The following WHRN variants were observed in gnomAD, a reference collection of about 807,000 sequenced individuals.
WHRN encodes whirlin.
A neutral mutation model predicts 68.3 loss-of-function variants in WHRN; 41 were observed. The observed-to-expected ratio is 0.60, with a 90% CI of 0.47 to 0.78. The LOEUF (loss-of-function observed/expected upper bound fraction) is 0.78, where lower values mean the gene tolerates loss of function less well. Among genes scored for constraint, WHRN ranks in the 30% least tolerant of loss-of-function variants. The pLI is 0.00. For synonymous variants in WHRN, 560 were observed against 561.3 expected, an observed-to-expected ratio of 1.00 and a Z score of 0.03; for missense variants, 1,243 against 1,244.7, an observed-to-expected ratio of 1.00 and a Z score of 0.02.
intron 3 of WHRN, among the ~76,000 whole-genome samples, chr9:114,464,903 T>C (rs1840550768): frequency 1.3e-5 from 2 of 152,044 alleles, no homozygotes; most frequent in African/African-American, 2.4e-5. Context: ...TATAACAAAG[T>C]ACCATAGACT....
rs148634663 is a variant in WHRN, at chr9:114,411,067, T to C, written c.1627-3049A>G. ...GCACTCAGAATAGGGCCTGGCACAA[T>C]GTACGAGGAAGGTGACTGTTACGTG... is the stretch of plus-strand genomic sequence containing the variant. On this transcript the variant is annotated intron_variant, in intron 7 of 11. Coordinates refer to ENST00000362057, the MANE Select transcript of WHRN (RefSeq NM_015404.4). Among the ~76,000 whole-genome samples the C allele has an allele frequency of 8.3e-4, 126 of 152,298 alleles. 3 individuals are homozygous for C. In the East Asian group the frequency reaches 0.024, roughly 29 times the overall value.
chr9:114,489,610 T>G (rs1302889372), intron 1 of WHRN, among the ~76,000 whole-genome samples: 2 of 152,224 alleles, frequency 1.3e-5, no homozygotes, highest in Admixed American at 6.5e-5. Context: ...CCATTACTTT[T>G]GACTTAAGTA....
Position 114,504,822 on chromosome 9 carries a change from G to A in WHRN, c.-21C>T, listed in dbSNP as rs1401042051. On this transcript the variant is annotated 5_prime_UTR_variant, in exon 1 of 12. Transcript: ENST00000362057. The stretch of plus-strand genomic sequence containing the variant: ...TTCATCTCCACGCCGAGGCCCGGCC[G>A]GGCTCTGAGCGCGCGGGGTGTGGGC... 2 of 1,387,162 alleles carry A rather than the reference G, an allele frequency of 1.4e-6. No homozygotes were observed. Among genetic ancestry groups the A allele is most frequent in the Admixed American group, 3.8e-5 (1 of 26,660 alleles). The allele number at this position is 1,387,162 out of a possible 1,614,324, so 85.9% of individuals were successfully genotyped here.
At chr9:114,465,040 G>T (rs1221817162) in intron 3 of WHRN, among the ~76,000 whole-genome samples, 1 of 152,184 alleles carries the variant, frequency 6.6e-6, no homozygotes, top group Non-Finnish European at 1.5e-5. Context: ...GGAAAGGGAA[G>T]CCCAGACAGG....
chr9:114,466,455 G>T, intron 2 of WHRN, 63 bp from the exon 3 acceptor site: 1 of 1,607,580 alleles, frequency 6.2e-7, no homozygotes. Flanking sequence ...GGGACAGCAG[G>T]CTGCAAAGCC....
chr9:114,457,046 T>G (rs140677088), intron 3 of WHRN, among the ~76,000 whole-genome samples: 1 of 152,182 alleles, frequency 6.6e-6, no homozygotes, highest in African/African-American at 2.4e-5. Flanking sequence ...TGTGTATGTA[T>G]ATACACAGAG....
chr9:114,415,505 C>T (rs1458523687), intron 7 of WHRN, among the ~76,000 whole-genome samples: 2 of 152,196 alleles, frequency 1.3e-5, no homozygotes, highest in African/African-American at 4.8e-5. Flanking sequence ...GCTGTCTCAC[C>T]TCATCTATTG....
At chr9:114,412,118 C>G (rs562533918) in intron 7 of WHRN, among the ~76,000 whole-genome samples, 1 of 152,168 alleles carries the variant, frequency 6.6e-6, no homozygotes, top group Admixed American at 6.5e-5. Flanking sequence ...AAATGGCAGA[C>G]GGGTCGGAGC....
Position 114,478,616 on chromosome 9 carries a change from CAG to C in WHRN, c.772_773del (p.Leu258GlufsTer6). 1 of 1,614,070 alleles carries C rather than the reference CAG, an allele frequency of 6.2e-7. No individual in the cohort carries two copies. Among genetic ancestry groups the C allele is most frequent in the South Asian group, 1.1e-5 (1 of 91,072 alleles). ...TCCTCCGGTCACCCTCCTGCTGCCTCAGGGCACCACCGTGGGGCTGGGGCAGG... is the reference window on the plus strand; with the variant it reads ...TCCTCCGGTCACCCTCCTGCTGCCTCGGCACCACCGTGGGGCTGGGGCAGG... ...SGLPQPHGGA[L>X]RQQEGDRRST... On this transcript the variant is annotated frameshift_variant, in exon 2 of 12. Transcript: ENST00000362057. LOFTEE classifies it high-confidence loss of function.
intron 3 of WHRN, among the ~76,000 whole-genome samples, chr9:114,437,855 A>G (rs1172513879): frequency 2.0e-5 from 3 of 152,202 alleles, no homozygotes; most frequent in Non-Finnish European, 4.4e-5. Flanking sequence ...AATATATACC[A>G]CAGATAAAGG....
chr9:114,412,809 G>C (rs1483752192), intron 7 of WHRN, among the ~76,000 whole-genome samples: 1 of 152,242 alleles, frequency 6.6e-6, no homozygotes, highest in Non-Finnish European at 1.5e-5. Flanking sequence ...CTCAGGGGCA[G>C]GTAAGGCTCC....
intron 1 of WHRN, among the ~76,000 whole-genome samples, chr9:114,483,569 C>T (rs1001903151): frequency 6.6e-6 from 1 of 152,226 alleles, no homozygotes; most frequent in African/African-American, 2.4e-5. Context: ...ATCGCGAGAT[C>T]CTCACCCATG....
chr9:114,451,774 G>A (rs2132717912), intron 3 of WHRN, among the ~76,000 whole-genome samples: 1 of 152,348 alleles, frequency 6.6e-6, no homozygotes, highest in South Asian at 2.1e-4. Context: ...GGGAAGAGAT[G>A]AGAATGGGAC....
chr9:114,469,589 A>T (rs1253404927), intron 2 of WHRN, among the ~76,000 whole-genome samples: 1 of 152,138 alleles, frequency 6.6e-6, no homozygotes, highest in Non-Finnish European at 1.5e-5. Flanking sequence ...CCCAGCCTCA[A>T]TTCTGGACAC....
chr9:114,474,632 CCAGGAAG>C, intron 2 of WHRN, among the ~76,000 whole-genome samples: 1 of 152,174 alleles, frequency 6.6e-6, no homozygotes, highest in Admixed American at 6.5e-5. Context: ...GCTGCCTCCT[CCAGGAAG>C]CCTTCCCCAA....
intron 1 of WHRN, among the ~76,000 whole-genome samples, chr9:114,497,734 T>TGGC (rs1244829077): frequency 6.6e-6 from 1 of 152,038 alleles, no homozygotes; most frequent in Non-Finnish European, 1.5e-5. Flanking sequence ...TCTTGTAGAG[T>TGGC]GGCTCTGGGC....
chr9:114,460,339 T>A (rs1196346369), intron 3 of WHRN, among the ~76,000 whole-genome samples: 1 of 152,264 alleles, frequency 6.6e-6, no homozygotes, highest in African/African-American at 2.4e-5. Context: ...TATTAAATGA[T>A]GTTATTAATG....
intron 1 of WHRN, among the ~76,000 whole-genome samples, chr9:114,479,083 G>T (rs1042565959): frequency 7.2e-5 from 11 of 152,208 alleles, no homozygotes; most frequent in African/African-American, 9.7e-5. Flanking sequence ...CCTTTGGCTG[G>T]CATCTCGGAA....
At chr9:114,488,506 C>A (rs1842717287) in intron 1 of WHRN, among the ~76,000 whole-genome samples, 1 of 152,096 alleles carries the variant, frequency 6.6e-6, no homozygotes, top group African/African-American at 2.4e-5. Flanking sequence ...TTCACACCCC[C>A]TTAAACACCA....
Sources: gnomAD v4.1 joint callset for allele counts (sites outside exome capture counted in the v4.1 genomes callset) on GRCh38, gnomAD v4.1.1 for gene constraint, MANE v1.5 for transcripts, NCBI Gene and HGNC (gene_info 2026-07-23, HGNC 2026-07-21) for gene names.